The following SUGCT variants were observed in gnomAD, a reference collection of about 807,000 sequenced individuals.
SUGCT encodes succinyl-CoA:glutarate CoA-transferase.
Under a neutral mutation model 55.0 loss-of-function variants are expected in SUGCT, and 41 were observed. That is an observed-to-expected ratio of 0.74 (90% CI 0.58 to 0.97). SUGCT has a LOEUF of 0.97. SUGCT is among the 50% of genes least tolerant of loss of function. The pLI is 0.00. For missense variants in SUGCT, 568 were observed against 547.8 expected, an observed-to-expected ratio of 1.04 and a Z score of -0.37; for synonymous variants, 187 against 200.4, an observed-to-expected ratio of 0.93 and a Z score of 0.56.
intron 12 of SUGCT, among the ~76,000 whole-genome samples, chr7:40,590,891 C>T (rs112888902): frequency 1.2e-3 from 188 of 152,210 alleles, no homozygotes; most frequent in African/African-American, 3.8e-3. Context: ...AGACCACTGT[C>T]GAGACCTAGT....
chr7:40,820,216 C>T (rs1253261150), intron 13 of SUGCT, among the ~76,000 whole-genome samples: 1 of 152,130 alleles, frequency 6.6e-6, no homozygotes, highest in Middle Eastern at 3.2e-3. Context: ...CAGCTTTGTT[C>T]TTTTGGCTTA....
chr7:40,541,331 A>G (rs1242951017), intron 12 of SUGCT, among the ~76,000 whole-genome samples: 1 of 152,216 alleles, frequency 6.6e-6, no homozygotes, highest in Non-Finnish European at 1.5e-5. Flanking sequence ...ATATTGCATA[A>G]TGGCGCAGAC....
At position 40,711,797 on chromosome 7, in the gene SUGCT, C is replaced by T. The variant is rs866484401; in HGVS notation, c.1090-37637C>T. 1.8e-4 allele frequency among the ~76,000 whole-genome samples: 27 copies of T among 152,310 alleles called. No homozygotes were observed. The South Asian group carries it at 2.3e-3, about 13-fold the overall frequency. On this transcript the variant is annotated intron_variant, in intron 12 of 13. Coordinates refer to ENST00000335693, the MANE Select transcript of SUGCT (RefSeq NM_001193313.2). The stretch of plus-strand genomic sequence containing the variant: ...TCATTGATAAAATGTTTCTGTGTAT[C>T]TTCAACTAGATTTTAGGTTTGTAAA...
intron 9 of SUGCT, among the ~76,000 whole-genome samples, chr7:40,363,148 C>T (rs62453369): frequency 4.7e-5 from 7 of 148,950 alleles, no homozygotes; most frequent in Admixed American, 1.4e-4. Context: ...TCTGTGGGAT[C>T]GGTGGTGATA....
chr7:40,698,944 A>G (rs1260673363), intron 12 of SUGCT, among the ~76,000 whole-genome samples: 1 of 152,182 alleles, frequency 6.6e-6, no homozygotes, highest in Non-Finnish European at 1.5e-5. Context: ...ATCCATTTAG[A>G]TTCAAGTTTA....
chr7:40,470,537 T>G (rs1790348836), intron 11 of SUGCT, among the ~76,000 whole-genome samples: 1 of 152,174 alleles, frequency 6.6e-6, no homozygotes, highest in Non-Finnish European at 1.5e-5. Context: ...TGTTGCTCAC[T>G]GCTTCCATTG....
At chr7:40,175,865 C>G (rs1584258476) in intron 1 of SUGCT, among the ~76,000 whole-genome samples, 2 of 152,124 alleles carry the variant, frequency 1.3e-5, no homozygotes, top group African/African-American at 4.8e-5. Context: ...TCAAATTTTC[C>G]TGCATCTGTG....
At chr7:40,408,682 TC>T (rs1786507462) in intron 9 of SUGCT, among the ~76,000 whole-genome samples, 1 of 152,182 alleles carries the variant, frequency 6.6e-6, no homozygotes, top group Admixed American at 6.5e-5. Flanking sequence ...ATGAGCTTTT[TC>T]TAATTACGAA....
the SUGCT span, among the ~76,000 whole-genome samples, chr7:40,894,257 G>A: frequency 2.6e-5 from 4 of 152,068 alleles, no homozygotes; most frequent in African/African-American, 9.7e-5. Context: ...GAAAAAAATG[G>A]TGCTGTCATA....
chr7:40,174,360 T>C (rs866516887), intron 1 of SUGCT, among the ~76,000 whole-genome samples: 8 of 152,244 alleles, frequency 5.3e-5, no homozygotes, highest in Middle Eastern at 3.4e-3. Flanking sequence ...CCTGGGCTCA[T>C]GTTATTTCCC....
At chr7:40,813,831 A>G (rs1329301000) in intron 13 of SUGCT, among the ~76,000 whole-genome samples, 1 of 152,096 alleles carries the variant, frequency 6.6e-6, no homozygotes, top group Non-Finnish European at 1.5e-5. Flanking sequence ...TATGTCCTTA[A>G]GTGTGTTTTT....
chr7:41,030,846 T>A, the SUGCT span, among the ~76,000 whole-genome samples: 1 of 152,048 alleles, frequency 6.6e-6, no homozygotes, highest in Non-Finnish European at 1.5e-5. Context: ...AGGAAACAGG[T>A]CAGACCACCC....
chr7:40,663,006 G>A (rs901392743), intron 12 of SUGCT, among the ~76,000 whole-genome samples: 1 of 152,162 alleles, frequency 6.6e-6, no homozygotes, highest in Non-Finnish European at 1.5e-5. Flanking sequence ...AGAATTCAAT[G>A]TGACAGTCAT....
chr7:40,515,507 C>A (rs1041015039), intron 12 of SUGCT, among the ~76,000 whole-genome samples: 4 of 152,176 alleles, frequency 2.6e-5, no homozygotes, highest in African/African-American at 9.6e-5. Context: ...GTAACCTAAT[C>A]TACTTTCTGT....
At chr7:40,205,841 A>G (rs892155445) in intron 6 of SUGCT, among the ~76,000 whole-genome samples, 1 of 152,072 alleles carries the variant, frequency 6.6e-6, no homozygotes, top group African/African-American at 2.4e-5. Flanking sequence ...CTTTAACAGG[A>G]GATTGAGCTG....
At chr7:40,906,747 C>G in the SUGCT span, among the ~76,000 whole-genome samples, 1 of 152,222 alleles carries the variant, frequency 6.6e-6, no homozygotes, top group Non-Finnish European at 1.5e-5. Context: ...TGTCCTGGAA[C>G]CGATATCCCA....
chr7:40,349,493 G>A (rs906178305), intron 9 of SUGCT, among the ~76,000 whole-genome samples: 3 of 151,962 alleles, frequency 2.0e-5, no homozygotes, highest in African/African-American at 7.3e-5. Flanking sequence ...CTGGTCTTTT[G>A]TCTGGATAGT....
chr7:40,343,380 A>C (rs1240129541), intron 9 of SUGCT, among the ~76,000 whole-genome samples: 2 of 152,208 alleles, frequency 1.3e-5, no homozygotes, highest in South Asian at 2.1e-4. Context: ...AGAACAAATT[A>C]ATCAGACTTG....
intron 12 of SUGCT, among the ~76,000 whole-genome samples, chr7:40,703,270 G>T (rs761399683): frequency 6.6e-6 from 1 of 152,096 alleles, no homozygotes; most frequent in Non-Finnish European, 1.5e-5. Context: ...CTCCATGTTG[G>T]TCAGGCTGGT....
Sources: gnomAD v4.1 joint callset for allele counts (sites outside exome capture counted in the v4.1 genomes callset) on GRCh38, gnomAD v4.1.1 for gene constraint, MANE v1.5 for transcripts, NCBI Gene and HGNC (gene_info 2026-07-23, HGNC 2026-07-21) for gene names.